The following MAP7D2 variants were observed in gnomAD, a reference collection of about 807,000 sequenced individuals.
MAP7D2 encodes the protein MAP7 domain containing 2, also known as MAP7 domain-containing protein 2.
Under a neutral mutation model 63.5 loss-of-function variants are expected in MAP7D2, and 33 were observed. That is an observed-to-expected ratio of 0.52 (90% CI 0.39 to 0.70). The LOEUF is 0.70. Among genes scored for constraint, MAP7D2 ranks in the 30% least tolerant of loss-of-function variants. The probability of loss-of-function intolerance (pLI) is 0.00; values close to 1 mark genes in which losing one functional copy is unlikely to be tolerated. For synonymous variants in MAP7D2, 224 were observed against 223.7 expected (o/e 1.00, Z -0.01); for missense variants, 626 against 604.0 (o/e 1.04, Z -0.38).
intron 1 of MAP7D2, among the ~76,000 whole-genome samples, chrX:20,087,645 C>G (rs576954565): frequency 1.8e-5 from 2 of 112,041 alleles, no homozygotes; most frequent in South Asian, 7.3e-4. Context: ...CAGAGCCTGT[C>G]TTGGCAATAA....
At chrX:20,114,181 C>T (rs1292859675) in intron 1 of MAP7D2, among the ~76,000 whole-genome samples, 1 of 112,079 alleles carries the variant, frequency 8.9e-6, no homozygotes, top group African/African-American at 3.2e-5. Context: ...TACAAGCATG[C>T]GCCACCAGGC....
intron 8 of MAP7D2, among the ~76,000 whole-genome samples, chrX:20,028,975 C>A (rs2073961032): frequency 1.8e-5 from 2 of 111,932 alleles, no homozygotes; most frequent in African/African-American, 6.5e-5. Context: ...TTCTTGCTTG[C>A]CCTCACCCTC....
At chrX:20,040,070 C>T (rs1284381189) in intron 8 of MAP7D2, among the ~76,000 whole-genome samples, 1 of 109,057 alleles carries the variant, frequency 9.2e-6, no homozygotes, top group East Asian at 2.9e-4. Context: ...GTCTTCTGGC[C>T]TACTTCTCCC....
chrX:20,065,433 A>G (rs1290897058), intron 1 of MAP7D2, among the ~76,000 whole-genome samples: 5 of 109,080 alleles, frequency 4.6e-5, no homozygotes, highest in Non-Finnish European at 9.5e-5. Flanking sequence ...CGCATGGCTA[A>G]TTTTTGTATT....
At chrX:20,068,438 T>C (rs1314758744) in intron 1 of MAP7D2, among the ~76,000 whole-genome samples, 2 of 112,164 alleles carry the variant, frequency 1.8e-5, no homozygotes, top group Admixed American at 1.9e-4. Flanking sequence ...CCACACAGCA[T>C]CTGCTTCTTC....
At chrX:20,101,700 GTAC>G (rs1490404569) in intron 1 of MAP7D2, among the ~76,000 whole-genome samples, 2 of 112,471 alleles carry the variant, frequency 1.8e-5, no homozygotes, top group African/African-American at 6.5e-5. Flanking sequence ...GTCACACAAA[GTAC>G]TACTACTCAG....
intron 1 of MAP7D2, among the ~76,000 whole-genome samples, chrX:20,076,787 T>A (rs1044739338): frequency 1.8e-5 from 2 of 112,157 alleles, no homozygotes; most frequent in African/African-American, 6.5e-5. Context: ...TAAGACTATA[T>A]ACAAATCTAC....
At chrX:20,107,912 A>C in intron 1 of MAP7D2, among the ~76,000 whole-genome samples, 1 of 111,840 alleles carries the variant, frequency 8.9e-6, no homozygotes, top group East Asian at 2.8e-4. Flanking sequence ...TACTAGTTGT[A>C]GTTTTAAAAT....
chrX:20,092,225 T>C (rs1050785274), intron 1 of MAP7D2, among the ~76,000 whole-genome samples: 1 of 111,070 alleles, frequency 9.0e-6, no homozygotes, highest in Non-Finnish European at 1.9e-5. Flanking sequence ...TTGTATACAG[T>C]AGGCTTACAA....
At chrX:20,065,163 C>G (rs7066427) in intron 1 of MAP7D2, among the ~76,000 whole-genome samples, 3,076 of 111,523 alleles carry the variant, frequency 0.028, 109 homozygotes, top group African/African-American at 0.095. Context: ...CTCGTCTAGT[C>G]AGGCTCCCAA....
intron 10 of MAP7D2, among the ~76,000 whole-genome samples, chrX:20,018,022 A>C (rs1335315598): frequency 9.8e-6 from 1 of 101,843 alleles, no homozygotes; most frequent in Non-Finnish European, 2.0e-5. Context: ...GTTGGAGTGC[A>C]ATGGTGCAAC....
chrX:20,077,037 C>T (rs955598290), intron 1 of MAP7D2, among the ~76,000 whole-genome samples: 18 of 112,900 alleles, frequency 1.6e-4, no homozygotes, highest in Non-Finnish European at 3.7e-5. Flanking sequence ...AGTACTTTGA[C>T]ATCAAGGTCA....
Position 20,064,820 on chromosome X carries a change from A to T in MAP7D2, c.131-15T>A. On this transcript the variant is annotated splice_polypyrimidine_tract_variant and intron_variant, in intron 1 of 16. Coordinates refer to ENST00000379643, the MANE Select transcript of MAP7D2 (RefSeq NM_001168465.2). The stretch of plus-strand genomic sequence containing the variant: ...TCCCTCCATGCCTACAAAGGAGAAA[A>T]CTAGATTATGTTTCAGTTCTTCACT... The T allele has an allele frequency of 5.9e-6, 7 of 1,186,875 alleles. No homozygotes were observed. Among genetic ancestry groups the T allele is most frequent in the Non-Finnish European group, 8.0e-6 (7 of 873,414 alleles).
At chrX:20,075,451 G>A (rs2065619498) in intron 1 of MAP7D2, among the ~76,000 whole-genome samples, 1 of 109,824 alleles carries the variant, frequency 9.1e-6, no homozygotes, top group African/African-American at 3.3e-5. Context: ...GGGATGGGGG[G>A]AATAAAAGAG....
intron 1 of MAP7D2, among the ~76,000 whole-genome samples, chrX:20,089,029 C>T (rs956077213): frequency 9.0e-6 from 1 of 111,551 alleles, no homozygotes. Flanking sequence ...GTGATTTGCC[C>T]GCCTTGGTCT....
chrX:20,029,490 T>C (rs1052349107), intron 8 of MAP7D2, among the ~76,000 whole-genome samples: 8 of 112,280 alleles, frequency 7.1e-5, no homozygotes, highest in Non-Finnish European at 1.1e-4. Context: ...CAAGTTGGCA[T>C]AGCCCTGAAC....
intron 1 of MAP7D2, among the ~76,000 whole-genome samples, chrX:20,093,582 G>C (rs1481754232): frequency 9.0e-6 from 1 of 111,080 alleles, no homozygotes; most frequent in East Asian, 2.8e-4. Context: ...GCTTGAACCC[G>C]GGAGGCAGAG....
At chrX:20,037,868 T>A (rs1220976053) in intron 8 of MAP7D2, among the ~76,000 whole-genome samples, 2 of 111,771 alleles carry the variant, frequency 1.8e-5, no homozygotes, top group Non-Finnish European at 3.8e-5. Context: ...ATTTTAATAA[T>A]CAAGTGGATA....
Position 20,103,333 on chromosome X carries a change from A to G in MAP7D2, c.130+13417T>C, listed in dbSNP as rs150731959. ...TTGTGCCAAGTTGAAAAGCTGAGAC[A>G]GGACAGAGAGGATTGGCTGACTGTG... On this transcript the variant is annotated intron_variant, in intron 1 of 16. Transcript: ENST00000379643. Among the ~76,000 whole-genome samples, 882 of 112,311 alleles carry G rather than the reference A, an allele frequency of 7.9e-3. 5 individuals carry two copies. Among genetic ancestry groups the G allele is most frequent in the Non-Finnish European group, 0.011 (584 of 53,256 alleles).
Sources: allele counts gnomAD v4.1 joint callset (sites outside exome capture counted in the v4.1 genomes callset), GRCh38; gene constraint gnomAD v4.1.1; transcripts MANE v1.5; gene names NCBI Gene and HGNC (gene_info 2026-07-23, HGNC 2026-07-21).